PPFIA2: variants seen among roughly 807,000 people sequenced by gnomAD.
The protein encoded by PPFIA2 is PPFI scaffold protein A2.
PPFIA2 carries 46 observed loss-of-function variants against 175.5 expected under a neutral mutation model. That is an observed-to-expected ratio of 0.26 (90% CI 0.21 to 0.34). The LOEUF is 0.34. Among genes scored for constraint, PPFIA2 ranks in the 10% least tolerant of loss-of-function variants. PPFIA2 has a pLI of 1.00. For synonymous variants in PPFIA2, 568 were observed against 511.4 expected (o/e 1.11, Z -1.49); for missense variants, 1,179 against 1,506.1 (o/e 0.78, Z 3.60).
intron 4 of PPFIA2, among the ~76,000 whole-genome samples, chr12:81,574,880 A>C (rs2073230425): frequency 6.6e-6 from 1 of 151,804 alleles, no homozygotes; most frequent in African/African-American, 2.4e-5. Flanking sequence ...GTTAGATAAC[A>C]TGTAACCAAA....
At chr12:81,388,236 AAC>A (rs2039393295) in intron 8 of PPFIA2, among the ~76,000 whole-genome samples, 1 of 152,142 alleles carries the variant, frequency 6.6e-6, no homozygotes, top group South Asian at 2.1e-4. Context: ...ATTAAATTCA[AAC>A]ACACTTCTTA....
chr12:81,684,009 A>G (rs2074073539), intron 3 of PPFIA2, among the ~76,000 whole-genome samples: 1 of 152,064 alleles, frequency 6.6e-6, no homozygotes, highest in Non-Finnish European at 1.5e-5. Flanking sequence ...GCATTAATCT[A>G]TTCATGAGGG....
intron 21 of PPFIA2, among the ~76,000 whole-genome samples, chr12:81,334,744 T>C (rs1376280675): frequency 6.6e-6 from 1 of 152,236 alleles, no homozygotes; most frequent in East Asian, 1.9e-4. Context: ...TTGGTGATTT[T>C]TCCAATTGTC....
At chr12:81,298,881 A>AGTTC (rs2047127695) in intron 23 of PPFIA2, among the ~76,000 whole-genome samples, 1 of 152,196 alleles carries the variant, frequency 6.6e-6, no homozygotes, top group Admixed American at 6.5e-5. Context: ...GAACTAAATT[A>AGTTC]CAGGCAAAGG....
chr12:81,364,551 T>C, intron 14 of PPFIA2, among the ~76,000 whole-genome samples: 1 of 151,754 alleles, frequency 6.6e-6, no homozygotes, highest in East Asian at 1.9e-4. Context: ...TGCACCTGGC[T>C]AATTTGTTTT....
Position 81,389,125 on chromosome 12 carries a change from TTATA to T in PPFIA2, c.763-4885_763-4882del, listed in dbSNP as rs61254401. Among the ~76,000 whole-genome samples the T allele has an allele frequency of 6.3e-3, 906 of 144,910 alleles. 10 individuals carry two copies. Among genetic ancestry groups the T allele is most frequent in the African/African-American group, 0.021 (827 of 39,810 alleles). On this transcript the variant is annotated intron_variant, in intron 8 of 32. Coordinates refer to ENST00000549396, the MANE Select transcript of PPFIA2 (RefSeq NM_003625.5). ...ATGTTTTTGAATTTTATTCAATATT[TTATA>T]TATATATATATATATACACACACAC...
chr12:81,462,286 CATAT>C lies in PPFIA2; in HGVS notation c.304-4424_304-4421del, dbSNP rs71881439. On this transcript the variant is annotated intron_variant, in intron 4 of 32. Coordinates refer to ENST00000549396, the MANE Select transcript of PPFIA2 (RefSeq NM_003625.5). ...ATATATATATATATATGTTAGAAAACATATATATATATATATGTTTTCTAAAAGA... is the reference window on the plus strand; with the variant it reads ...ATATATATATATATATGTTAGAAAACATATATATATATGTTTTCTAAAAGA... Among the ~76,000 whole-genome samples, 854 of 135,946 alleles carry C rather than the reference CATAT, an allele frequency of 6.3e-3. 9 individuals are homozygous for C. The highest frequency in any genetic ancestry group is 0.021 in the African/African-American group (785 of 37,492). The allele number at this position is 135,946 out of a possible 152,430, so 89.2% of individuals were successfully genotyped here. A position where few individuals can be genotyped will look rare whatever the true frequency, so the allele number is the denominator to read the frequency against.
At chr12:81,752,313 A>G (rs2083926595) in intron 3 of PPFIA2, among the ~76,000 whole-genome samples, 1 of 152,234 alleles carries the variant, frequency 6.6e-6, no homozygotes, top group South Asian at 2.1e-4. Flanking sequence ...GACCACTTTA[A>G]CAAGAGAATT....
intron 4 of PPFIA2, among the ~76,000 whole-genome samples, chr12:81,660,954 A>G (rs2153546863): frequency 6.6e-6 from 1 of 152,308 alleles, no homozygotes; most frequent in East Asian, 1.9e-4. Flanking sequence ...ACTAAGCTTC[A>G]TAAGTGAAGG....
intron 26 of PPFIA2, among the ~76,000 whole-genome samples, chr12:81,282,017 T>C (rs751386435): frequency 3.3e-5 from 5 of 152,008 alleles, no homozygotes; most frequent in Non-Finnish European, 7.4e-5. Flanking sequence ...AAAGAATCAG[T>C]CTTTTCTAGA....
At chr12:81,660,331 C>A (rs1043572222) in intron 4 of PPFIA2, among the ~76,000 whole-genome samples, 3 of 152,202 alleles carry the variant, frequency 2.0e-5, no homozygotes, top group Admixed American at 1.3e-4. Context: ...ACTAGAATAA[C>A]CAATGCAGAG....
At chr12:81,507,539 C>A (rs10746190) in intron 4 of PPFIA2, among the ~76,000 whole-genome samples, 111,464 of 152,068 alleles carry the variant, frequency 0.73, 41,730 homozygotes, top group East Asian at 0.95. Context: ...AAAACTTGAA[C>A]TCTCAATTAG....
intron 11 of PPFIA2, among the ~76,000 whole-genome samples, chr12:81,371,717 C>T (rs966283195): frequency 1.3e-5 from 2 of 151,580 alleles, no homozygotes; most frequent in African/African-American, 2.4e-5. Flanking sequence ...TATGTCCTTG[C>T]TAAAGGAATA....
chr12:81,422,440 A>C (rs531924766), intron 7 of PPFIA2, among the ~76,000 whole-genome samples: 1 of 152,230 alleles, frequency 6.6e-6, no homozygotes, highest in South Asian at 2.1e-4. Flanking sequence ...AGAATTTATA[A>C]TTAAAAGGAA....
chr12:81,406,629 T>C (rs1174316019), intron 7 of PPFIA2, among the ~76,000 whole-genome samples: 1 of 152,100 alleles, frequency 6.6e-6, no homozygotes, highest in African/African-American at 2.4e-5. Context: ...AAATAGTATT[T>C]CAGTCTTTTT....
intron 3 of PPFIA2, among the ~76,000 whole-genome samples, chr12:81,728,864 T>C (rs1295671324): frequency 6.6e-6 from 1 of 151,376 alleles, no homozygotes; most frequent in Non-Finnish European, 1.5e-5. Flanking sequence ...ATGTGATAGA[T>C]GGTATTGAGA....
At chr12:81,595,603 TA>T (rs2059158344) in intron 4 of PPFIA2, among the ~76,000 whole-genome samples, 1 of 152,128 alleles carries the variant, frequency 6.6e-6, no homozygotes, top group South Asian at 2.1e-4. Flanking sequence ...GAGTGTTACA[TA>T]TTCTATTAAA....
chr12:81,641,090 T>C (rs1038927227), intron 4 of PPFIA2, among the ~76,000 whole-genome samples: 1 of 152,198 alleles, frequency 6.6e-6, no homozygotes, highest in African/African-American at 2.4e-5. Flanking sequence ...TCAAACGCTT[T>C]TCATTTCTTT....
At chr12:81,558,853 T>C (rs2069371177) in intron 4 of PPFIA2, among the ~76,000 whole-genome samples, 1 of 152,206 alleles carries the variant, frequency 6.6e-6, no homozygotes, top group Non-Finnish European at 1.5e-5. Flanking sequence ...TTTTCCATTC[T>C]ATATCACACA....
Sources: allele counts gnomAD v4.1 joint callset (sites outside exome capture counted in the v4.1 genomes callset), GRCh38; gene constraint gnomAD v4.1.1; transcripts MANE v1.5; gene names NCBI Gene and HGNC (gene_info 2026-07-23, HGNC 2026-07-21).